The following SP140 variants were observed in gnomAD, a reference collection of about 807,000 sequenced individuals.
SP140 encodes the protein nuclear body protein SP140.
SP140 carries 81 observed loss-of-function variants against 125.0 expected under a neutral mutation model. That is an observed-to-expected ratio of 0.65 (90% confidence interval 0.54 to 0.78). The LOEUF (loss-of-function observed/expected upper bound fraction) is 0.78. SP140 is among the 30% of genes least tolerant of loss of function. The pLI is 0.00. For synonymous variants in SP140, 312 were observed against 354.0 expected (o/e 0.88, Z 1.33); for missense variants, 858 against 1,037.0 (o/e 0.83, Z 2.37).
At chr2:230,279,762 G>A (rs1182713089) in intron 15 of SP140, among the ~76,000 whole-genome samples, 1 of 151,902 alleles carries the variant, frequency 6.6e-6, no homozygotes, top group Non-Finnish European at 1.5e-5. Context: ...CCATTCTCTG[G>A]TTCTCGACAA....
At chr2:230,287,256 G>A (rs115986839) in intron 17 of SP140, among the ~76,000 whole-genome samples, 2,845 of 152,162 alleles carry the variant, frequency 0.019, 76 homozygotes, top group African/African-American at 0.064. Context: ...AAGCCATGTG[G>A]ACAAAGCCCT....
chr2:230,222,057 G>A (rs1172503953), upstream of SP140, among the ~76,000 whole-genome samples: 10 of 152,126 alleles, frequency 6.6e-5, no homozygotes, highest in Admixed American at 2.6e-4. Flanking sequence ...GCAAAATCCC[G>A]TCTCTACTAA....
chr2:230,245,034 T>A lies in SP140; in HGVS notation c.618T>A (p.Gly206=). ...AGCAGTTAGCTCTCCCAAAGGCTGG[T>A]GGAGGAGATGCTGAAGATGCACCCA... The part of the protein sequence containing the change: ...SCEQLALPKA[G]GGDAEDAPSL... The change falls in exon 6 of 27, where the codon GGT becomes GGA. Residue 206 remains glycine (G), a synonymous_variant. Transcript: ENST00000392045. The A allele has an allele frequency of 6.2e-7, 1 of 1,613,252 alleles. No individual in the cohort carries two copies. Among genetic ancestry groups the A allele is most frequent in the Non-Finnish European group, 8.5e-7 (1 of 1,179,438 alleles).
At chr2:230,225,695 G>C (rs909052896), upstream of SP140, 6 of 711,362 alleles carry the variant, frequency 8.4e-6, no homozygotes, top group Non-Finnish European at 1.5e-5. Flanking sequence ...GGACTGTAGA[G>C]TTGGTGCACC....
chr2:230,236,986 C>A, intron 1 of SP140, 97 bp from the exon 2 acceptor site: 1 of 811,720 alleles, frequency 1.2e-6, no homozygotes, highest in Non-Finnish European at 1.9e-6. Context: ...TACATGTTGG[C>A]TCTCCATTGG....
chr2:230,209,199 G>C (rs1323805016), intron 1 of SP140, among the ~76,000 whole-genome samples: 1 of 152,178 alleles, frequency 6.6e-6, no homozygotes, highest in Non-Finnish European at 1.5e-5. Flanking sequence ...ATCGAGCCAG[G>C]TTTGAATGAC....
At chr2:230,294,995 CTT>C (rs1171475537) in intron 21 of SP140, among the ~76,000 whole-genome samples, 2 of 152,174 alleles carry the variant, frequency 1.3e-5, no homozygotes, top group East Asian at 3.8e-4. Flanking sequence ...CCAGGAAAAT[CTT>C]TTATGTTGAT....
rs11323886 is a variant in SP140 at position 230,226,762 on chromosome 2, C to CAAAAAAAAAAAAA, written c.59+866_59+878dup. On this transcript the variant is annotated intron_variant, in intron 1 of 26. Transcript: ENST00000392045. ...GGGCAACAAGAGTGAAATTCCATCTCAAAAAAAAAAAAAAAAAAAGACAAG... is the reference window on the plus strand; with the variant it reads ...GGGCAACAAGAGTGAAATTCCATCTCAAAAAAAAAAAAAAAAAAAAAAAAAAAAAAAAGACAAG... Among the ~76,000 whole-genome samples, 461 of 94,176 alleles carry CAAAAAAAAAAAAA rather than the reference C, an allele frequency of 4.9e-3. 9 individuals carry two copies. Among genetic ancestry groups the CAAAAAAAAAAAAA allele is most frequent in the Non-Finnish European group, 6.5e-3 (305 of 46,960 alleles). The allele number at this position is 94,176 out of a possible 152,430, so 61.8% of individuals were successfully genotyped here.
At chr2:230,275,307 C>CA (rs74358643) in intron 15 of SP140, among the ~76,000 whole-genome samples, 12,100 of 152,088 alleles carry the variant, frequency 0.08, 669 homozygotes, top group South Asian at 0.19. Context: ...AACCCTGTGT[C>CA]AAAAAAAGTC....
intron 12 of SP140, among the ~76,000 whole-genome samples, chr2:230,266,644 T>A (rs1438031366): frequency 6.6e-6 from 1 of 152,224 alleles, no homozygotes; most frequent in Non-Finnish European, 1.5e-5. Flanking sequence ...GCTCTGAGAA[T>A]CTTGCAATCG....
upstream of SP140, chr2:230,200,835 T>C: frequency 7.3e-7 from 1 of 1,364,160 alleles, no homozygotes; most frequent in Non-Finnish European, 1.1e-6. Context: ...CAGCTCTGAA[T>C]TTAGATTCCT....
At chr2:230,274,961 C>CTTT (rs2054499632) in intron 15 of SP140, among the ~76,000 whole-genome samples, 1 of 152,068 alleles carries the variant, frequency 6.6e-6, no homozygotes, top group African/African-American at 2.4e-5. Context: ...GCCAACTTAA[C>CTTT]TGTAAAAAAA....
chr2:230,255,397 G>A, intron 11 of SP140, 55 bp from the exon 12 acceptor site: 1 of 1,595,560 alleles, frequency 6.3e-7, no homozygotes, highest in South Asian at 1.1e-5. Context: ...TTCTCTTCAT[G>A]ATTTTTTGTT....
intron 1 of SP140, chr2:230,208,032 G>A: frequency 6.4e-7 from 1 of 1,564,470 alleles, no homozygotes; most frequent in Non-Finnish European, 8.8e-7. Context: ...TTTTGGAGTT[G>A]ACCAGATACA....
intron 12 of SP140, among the ~76,000 whole-genome samples, chr2:230,265,361 G>A (rs2052926703): frequency 6.6e-6 from 1 of 152,040 alleles, no homozygotes; most frequent in Non-Finnish European, 1.5e-5. Context: ...TTGAAAACCT[G>A]CCCCAGGCTA....
intron 21 of SP140, among the ~76,000 whole-genome samples, chr2:230,295,557 C>T (rs553662484): frequency 2.6e-5 from 4 of 152,302 alleles, no homozygotes; most frequent in African/African-American, 9.6e-5. Flanking sequence ...GTGCAGTTGC[C>T]TCTATATGTT....
intron 3 of SP140, chr2:230,216,884 T>A (rs1213296261): frequency 6.2e-7 from 1 of 1,613,914 alleles, no homozygotes; most frequent in Non-Finnish European, 8.5e-7. Context: ...GTGCATGAAG[T>A]GCTGAAAAAG....
chr2:230,259,960 T>C (rs1394577737), intron 12 of SP140, among the ~76,000 whole-genome samples: 1 of 152,108 alleles, frequency 6.6e-6, no homozygotes, highest in Non-Finnish European at 1.5e-5. Flanking sequence ...AGATACCCAG[T>C]AGTGGGATTG....
upstream of SP140, chr2:230,200,878 G>A (rs775861638): frequency 2.2e-5 from 35 of 1,606,366 alleles, no homozygotes; most frequent in South Asian, 3.4e-4. Flanking sequence ...CAATCTCCAA[G>A]TTTTACCTTG....
Sources: allele counts gnomAD v4.1 joint callset (sites outside exome capture counted in the v4.1 genomes callset), GRCh38; gene constraint gnomAD v4.1.1; transcripts MANE v1.5; gene names NCBI Gene and HGNC (gene_info 2026-07-23, HGNC 2026-07-21).